Variants in SERPINB13 observed in about 807,000 individuals in gnomAD.
SERPINB13 encodes serpin family B member 13, also known as serpin B13.
A neutral mutation model predicts 31.2 loss-of-function variants in SERPINB13; 26 were observed. The observed-to-expected ratio is 0.83, with a 90% CI of 0.61 to 1.15. The LOEUF is 1.15. SERPINB13 is among the 50% of genes most tolerant of loss of function. SERPINB13 has a pLI of 0.00. For missense variants in SERPINB13, 510 were observed against 469.4 expected (o/e 1.09, Z -0.80); for synonymous variants, 191 against 172.4 (o/e 1.11, Z -0.85).
intron 7 of SERPINB13, among the ~76,000 whole-genome samples, chr18:63,595,694 T>G (rs2144409464): frequency 6.6e-6 from 1 of 152,042 alleles, no homozygotes; most frequent in East Asian, 1.9e-4. Context: ...GGTCAGGAGA[T>G]CGAGACCATC....
At position 63,592,410 on chromosome 18, in the gene SERPINB13, C is replaced by A. The variant is rs1404062672; in HGVS notation, c.288C>A (p.Leu96=). 1 of 1,613,382 alleles carries A rather than the reference C, an allele frequency of 6.2e-7. No individual in the cohort carries two copies. The highest frequency in any genetic ancestry group is 1.7e-5 in the Admixed American group (1 of 59,972). Residue 96 remains leucine, a synonymous_variant, in exon 4 of 8, where the codon CTC becomes CTA. Coordinates refer to ENST00000344731, the MANE Select transcript of SERPINB13 (RefSeq NM_012397.4). ...AGTTTTTGACTGAAATAAGCAAACTCACTAATGATTATGAACTGAACATAA... is the reference window on the plus strand; with the variant it reads ...AGTTTTTGACTGAAATAAGCAAACTAACTAATGATTATGAACTGAACATAA... ...FQKFLTEISK[L]TNDYELNITN... is the part of the protein sequence containing the mutation.
At chr18:63,592,821 C>T (rs761739769) in intron 4 of SERPINB13, 33 bp from the exon 5 acceptor site, 3 of 1,357,268 alleles carry the variant, frequency 2.2e-6, no homozygotes, top group Non-Finnish European at 2.1e-6. Context: ...GAGTTTTTAA[C>T]CTCTTTTTAT....
rs2144398425 is a variant in SERPINB13, at chr18:63,592,367, T to A, written c.245T>A (p.Val82Glu). Reference protein sequence around the residue: ...EKEVIENTEAVHQQFQKFLTE... With the variant: ...EKEVIENTEAEHQQFQKFLTE... Reference sequence around the variant, plus strand: ...TTCAAGATTGAGAACACAGAAGCAGTACATCAACAATTCCAAAAGTTTTTG... The same window carrying A: ...TTCAAGATTGAGAACACAGAAGCAGAACATCAACAATTCCAAAAGTTTTTG... The change falls in exon 4 of 8, where the codon GTA (valine) becomes GAA (glutamate). Residue 82 changes from valine (V) to glutamate (E), a missense_variant. Transcript: ENST00000344731. 6.2e-7 allele frequency: 1 copy of A among 1,612,848 alleles called. No individual in the cohort carries two copies. The highest frequency in any genetic ancestry group is 8.5e-7 in the Non-Finnish European group (1 of 1,179,434).
chr18:63,592,706 C>A, intron 4 of SERPINB13, 148 bp from the exon 5 acceptor site: 2 of 704,850 alleles, frequency 2.8e-6, no homozygotes, highest in Non-Finnish European at 4.7e-6. Flanking sequence ...AAATGTGCAG[C>A]AGGAACTCAA....
intron 3 of SERPINB13, 149 bp from the exon 4 acceptor site, chr18:63,592,199 A>C: frequency 1.4e-6 from 1 of 736,638 alleles, no homozygotes; most frequent in Non-Finnish European, 2.1e-6. Flanking sequence ...GGTAAAGGCT[A>C]CCTGATATCC....
intron 5 of SERPINB13, 127 bp downstream of exon 5, chr18:63,593,098 T>A: frequency 1.6e-6 from 1 of 642,758 alleles, no homozygotes; most frequent in Admixed American, 2.7e-5. Flanking sequence ...TGCCATGCAG[T>A]GCACAAGCTT....
At chr18:63,591,666 G>A (rs562955936) in intron 3 of SERPINB13, among the ~76,000 whole-genome samples, 5 of 151,814 alleles carry the variant, frequency 3.3e-5, no homozygotes, top group Non-Finnish European at 5.9e-5. Flanking sequence ...TATGAGAAAG[G>A]AATACAAAAT....
In SERPINB13 at chr18:63,589,674, G is replaced by C. The variant is rs1599444446; in HGVS notation, c.184G>C (p.Glu62Gln). 6.2e-7 allele frequency: 1 copy of C among 1,613,886 alleles called. No individual in the cohort carries two copies. Among genetic ancestry groups the C allele is most frequent in the Non-Finnish European group, 8.5e-7 (1 of 1,179,892 alleles). Reference protein sequence around the residue: ...QLEEVFHSEKETKSSRIKAEE... With the variant: ...QLEEVFHSEKQTKSSRIKAEE... The stretch of plus-strand genomic sequence containing the variant: ...CTTCCAGGTGTTTCACTCTGAAAAA[G>C]AGACGAAGAGCTCAAGAATAAAGGC... Residue 62 changes from glutamate to glutamine, a missense_variant, in exon 3 of 8, where the codon GAG (glutamate) becomes CAG (glutamine). By Grantham distance (29) the Glu-to-Gln change is conservative. Transcript: ENST00000344731.
At chr18:63,590,484 C>T (rs1399610497) in intron 3 of SERPINB13, among the ~76,000 whole-genome samples, 2 of 152,132 alleles carry the variant, frequency 1.3e-5, no homozygotes, top group Non-Finnish European at 2.9e-5. Flanking sequence ...AAGGCTAGGT[C>T]GTGTGGGTGG....
rs983062852 is a variant in SERPINB13 at position 63,588,966 on chromosome 18, C to A, written c.165+134C>A. The A allele has an allele frequency of 5.5e-5, 54 of 986,824 alleles. No individual in the cohort carries two copies. In the Admixed American group the frequency reaches 1.5e-3, roughly 27 times the overall value. The allele number at this position is 986,824 out of a possible 1,614,324, so 61.1% of individuals were successfully genotyped here. ...GACCAGGAAACAGAGACTTTCAAGA[C>A]AAGGAGCAATTTCAGGTCTATCAGG... On this transcript the variant is annotated intron_variant, in intron 2 of 7. Transcript: ENST00000344731.
rs548901538 is a variant in SERPINB13 at position 63,597,102 on chromosome 18, G to A, written c.915G>A (p.Met305Ile). ...DLEAVLAAMG[M>I]GDAFSEHKAD... ...AGGCGGTCCTGGCTGCCATGGGGAT[G>A]GGCGATGCCTTCAGTGAGCACAAAG... The change falls in exon 8 of 8, where the codon ATG becomes ATA. Residue 305 changes from methionine (M) to isoleucine (I), a missense_variant. Physicochemically the swap from Met to Ile is conservative, Grantham distance 10. Transcript: ENST00000344731. 31 of 1,614,230 alleles carry A rather than the reference G, an allele frequency of 1.9e-5. No homozygotes were observed. The highest frequency in any genetic ancestry group is 1.5e-4 in the South Asian group (14 of 91,082).
chr18:63,588,790 C>T lies in SERPINB13; in HGVS notation c.123C>T (p.Val41=). ...GCATCTTGACTGCAATTGGCATGGT[C>T]CTCCTGGGGACCCGAGGAGCCACCG... ...PVGILTAIGM[V]LLGTRGATAS... Residue 41 remains valine, a synonymous_variant, in exon 2 of 8, where the codon GTC becomes GTT. Transcript: ENST00000344731. 1 of 1,614,140 alleles carries T rather than the reference C, an allele frequency of 6.2e-7. No homozygotes were observed. The highest frequency in any genetic ancestry group is 8.5e-7 in the Non-Finnish European group (1 of 1,180,020).
At position 63,598,891 on chromosome 18, in the gene SERPINB13, C is replaced by T. The variant is rs78325843; in HGVS notation, c.*1528C>T. The T allele has an allele frequency of 6.6e-6, 1 of 152,184 alleles. No individual in the cohort carries two copies. Among genetic ancestry groups the T allele is most frequent in the Admixed American group, 6.5e-5 (1 of 15,276 alleles). The allele number at this position is 152,184 out of a possible 1,614,324, so 9.4% of individuals were successfully genotyped here. On this transcript the variant is annotated 3_prime_UTR_variant, in exon 8 of 8. Coordinates refer to ENST00000344731, the MANE Select transcript of SERPINB13 (RefSeq NM_012397.4). ...CACCAGGAATGTTTAAAACTAGTGT[C>T]TTCAAATCCTCACCAACATCCAGGA...
chr18:63,593,258 C>T (rs550759381), intron 5 of SERPINB13, among the ~76,000 whole-genome samples: 3 of 152,204 alleles, frequency 2.0e-5, no homozygotes, highest in South Asian at 2.1e-4. Flanking sequence ...GCCAAATGCA[C>T]GGAAACGCTT....
Position 63,594,450 on chromosome 18 carries a change from G to A in SERPINB13, c.568G>A (p.Glu190Lys). 6.2e-7 allele frequency: 1 copy of A among 1,614,150 alleles called. No homozygotes were observed. Among genetic ancestry groups the A allele is most frequent in the Non-Finnish European group, 8.5e-7 (1 of 1,180,014 alleles). Residue 190 changes from glutamate (E) to lysine (K), a missense_variant, in exon 6 of 8, where the codon GAG becomes AAG. By Grantham distance (56) the Glu-to-Lys change is moderately conservative. Coordinates refer to ENST00000344731, the MANE Select transcript of SERPINB13 (RefSeq NM_012397.4). ...MVYFKGQWDR[E>K]FKKENTKEEK... Reference sequence around the variant, plus strand: ...TTATTTTAAAGGGCAATGGGACAGGGAGTTTAAGAAAGAAAATACTAAGGA... The same window carrying A: ...TTATTTTAAAGGGCAATGGGACAGGAAGTTTAAGAAAGAAAATACTAAGGA...
At position 63,598,167 on chromosome 18, in the gene SERPINB13, A is replaced by T. The variant is rs1369509072; in HGVS notation, c.*804A>T. 6.6e-6 allele frequency: 1 copy of T among 151,174 alleles called. No homozygotes were observed. Among genetic ancestry groups the T allele is most frequent in the Non-Finnish European group, 1.5e-5 (1 of 67,868 alleles). The allele number at this position is 151,174 out of a possible 1,614,324, so 9.4% of individuals were successfully genotyped here. On this transcript the variant is annotated 3_prime_UTR_variant, in exon 8 of 8. Transcript: ENST00000344731. ...AGTATTACCAAATGATATTTTCTGAAGATGCTTTTTGGAAAGCTCTGAATC... is the reference window on the plus strand; with the variant it reads ...AGTATTACCAAATGATATTTTCTGATGATGCTTTTTGGAAAGCTCTGAATC...
chr18:63,594,056 TA>T, intron 5 of SERPINB13: 1 of 838,634 alleles, frequency 1.2e-6, no homozygotes, highest in Non-Finnish European at 1.8e-6. Context: ...AGAGTTTAAA[TA>T]ACTTGCCCAA....
In SERPINB13 at chr18:63,589,543, T is replaced by C. The variant is rs74728128; in HGVS notation, c.166-113T>C. ...TTTCTGATTTTGCAAGGAGATAATG[T>C]CACCTCATATACCACCGAGGTTTCT... On this transcript the variant is annotated intron_variant, in intron 2 of 7. Transcript: ENST00000344731. 7.3e-4 allele frequency: 979 copies of C among 1,346,736 alleles called. 13 individuals are homozygous for C. The East Asian group carries it at 0.023, about 32-fold the overall frequency. The allele number at this position is 1,346,736 out of a possible 1,614,324, so 83.4% of individuals were successfully genotyped here.
rs148705978 is a variant in SERPINB13, at chr18:63,597,744, G to A, written c.*381G>A. Reference sequence around the variant, plus strand: ...CTGGTATTTTGACATGTTATAATACGCAAGTAAAATAAAACAATAGTTTAC... The same window carrying A: ...CTGGTATTTTGACATGTTATAATACACAAGTAAAATAAAACAATAGTTTAC... On this transcript the variant is annotated 3_prime_UTR_variant, in exon 8 of 8. Transcript: ENST00000344731. The A allele has an allele frequency of 8.0e-4, 133 of 166,134 alleles. No individual in the cohort carries two copies. Among genetic ancestry groups the A allele is most frequent in the African/African-American group, 3.0e-3 (125 of 42,000 alleles). The allele number at this position is 166,134 out of a possible 1,614,324, so 10.3% of individuals were successfully genotyped here. A position where few individuals can be genotyped will look rare whatever the true frequency, so the allele number is the denominator to read the frequency against.
Sources: allele counts gnomAD v4.1 joint callset (sites outside exome capture counted in the v4.1 genomes callset), GRCh38; gene constraint gnomAD v4.1.1; transcripts MANE v1.5; gene names NCBI Gene and HGNC (gene_info 2026-07-23, HGNC 2026-07-21).